The following TAOK2 variants were observed in gnomAD, a reference collection of about 807,000 sequenced individuals.
TAOK2 encodes the protein serine/threonine-protein kinase TAO2.
TAOK2 carries 42 observed loss-of-function variants against 122.5 expected under a neutral mutation model. The ratio of observed to expected loss-of-function variants is 0.34; its 90% confidence interval spans 0.27 to 0.44. TAOK2 has a LOEUF of 0.44. Among genes scored for constraint, TAOK2 ranks in the 20% least tolerant of loss-of-function variants. The pLI is 1.00. For synonymous variants in TAOK2, 704 were observed against 677.6 expected, an observed-to-expected ratio of 1.04 and a Z score of -0.61; for missense variants, 1,264 against 1,644.9, an observed-to-expected ratio of 0.77 and a Z score of 4.01.
At chr16:29,990,882 G>A (rs1412562288), downstream of TAOK2, 4 of 1,613,716 alleles carry the variant, frequency 2.5e-6, no homozygotes, top group South Asian at 4.4e-5. Context: ...GCAAGATCAA[G>A]ATCCGCACAG....
At position 29,986,180 on chromosome 16, in the gene TAOK2, C is replaced by T. The variant is rs2069784920; in HGVS notation, c.1993-85C>T. The T allele has an allele frequency of 2.0e-6, 3 of 1,494,088 alleles. No homozygotes were observed. Among genetic ancestry groups the T allele is most frequent in the South Asian group, 2.8e-5 (2 of 71,334 alleles). 92.6% of individuals were successfully genotyped at this position (1,494,088 alleles called of 1,614,324 possible). Reference sequence around the variant, plus strand: ...CTGGGCCCTGTGTTTCTTCCGCCATCCCCAGCTCCCTCTGCCAAGGAGCCC... The same window carrying T: ...CTGGGCCCTGTGTTTCTTCCGCCATTCCCAGCTCCCTCTGCCAAGGAGCCC... On this transcript the variant is annotated intron_variant, in intron 15 of 15. Transcript: ENST00000308893. This position sits in a 1 kb window ranked among gnomAD's most constrained non-coding sequence, Gnocchi z 4.2.
intron 1 of TAOK2, among the ~76,000 whole-genome samples, chr16:29,976,630 TTCTCCGG>T (rs1157487166): frequency 6.6e-6 from 1 of 152,168 alleles, no homozygotes; most frequent in Admixed American, 6.5e-5. Flanking sequence ...TGCAGGAACT[TTCTCCGG>T]GTGTTTGGTT....
At position 29,987,494 on chromosome 16, in the gene TAOK2, C is replaced by A. The variant is rs1360534560; in HGVS notation, c.3222C>A (p.Gly1074=). 2.5e-6 allele frequency: 4 copies of A among 1,595,160 alleles called. No individual in the cohort carries two copies. The African/African-American group carries it at 5.4e-5, about 21-fold the overall frequency. The change falls in exon 16 of 16, where the codon GGC becomes GGA. Residue 1074 remains glycine, a synonymous_variant. Coordinates refer to ENST00000308893, the MANE Select transcript of TAOK2 (RefSeq NM_016151.4). The part of the protein sequence containing the change: ...AAGGRWVRQQ[G]PRVRRGISRL... ...GGGGCAGATGGGTGCGGCAGCAGGG[C>A]CCCCGGGTGCGCCGGGGCATATCTC...
At chr16:29,991,451 G>C, downstream of TAOK2, 2 of 1,505,146 alleles carry the variant, frequency 1.3e-6, no homozygotes, top group Non-Finnish European at 1.8e-6. This position sits in a 1 kb window ranked among gnomAD's most constrained non-coding sequence, Gnocchi z 5.6. Context: ...GGGCAGCCTC[G>C]GGGGGCAGTG....
Position 29,986,170 on chromosome 16 carries a change from C to T in TAOK2, c.1993-95C>T, listed in dbSNP as rs992446877. ...TGACCAGGCCCTGGGCCCTGTGTTT[C>T]TTCCGCCATCCCCAGCTCCCTCTGC... On this transcript the variant is annotated intron_variant, in intron 15 of 15. Transcript: ENST00000308893. This position sits in a 1 kb window ranked among gnomAD's most constrained non-coding sequence, Gnocchi z 4.2. 1 of 1,489,118 alleles carries T rather than the reference C, an allele frequency of 6.7e-7. No homozygotes were observed. Among genetic ancestry groups the T allele is most frequent in the Non-Finnish European group, 9.0e-7 (1 of 1,116,672 alleles). 92.2% of individuals were successfully genotyped at this position (1,489,118 alleles called of 1,614,324 possible).
chr16:29,978,126 A>G lies in TAOK2; in HGVS notation c.170A>G (p.Lys57Arg). The change falls in exon 3 of 16, where the codon AAG (lysine) becomes AGG (arginine). Residue 57 changes from lysine (K) to arginine (R), a missense_variant. Around this residue, in one of 4 missense-constraint regions of TAOK2, gnomAD observed 254 missense variants for 503.8 expected, o/e 0.50. Coordinates refer to ENST00000308893, the MANE Select transcript of TAOK2 (RefSeq NM_016151.4). ...DVRNSEVVAI[K>R]KMSYSGKQSN... ...CGGAATAGTGAGGTGGTGGCCATCA[A>G]GAAGATGTCCTACAGTGGGAAGCAG... The G allele has an allele frequency of 6.2e-7, 1 of 1,614,148 alleles. No homozygotes were observed. Among genetic ancestry groups the G allele is most frequent in the Non-Finnish European group, 8.5e-7 (1 of 1,180,016 alleles).
At chr16:29,981,332 A>G (rs1049623870) in intron 8 of TAOK2, 8 of 562,466 alleles carry the variant, frequency 1.4e-5, no homozygotes, top group African/African-American at 9.4e-5. Context: ...TCTTCCCCAT[A>G]GCAATTATCA....
downstream of TAOK2, chr16:29,992,076 G>C (rs572407842): frequency 6.6e-6 from 1 of 151,984 alleles, no homozygotes; most frequent in African/African-American, 2.4e-5. Context: ...GTCCTGTGCC[G>C]TCTTGTCCTT....
At chr16:29,975,131 T>A (rs970706291) in intron 1 of TAOK2, among the ~76,000 whole-genome samples, 1 of 152,146 alleles carries the variant, frequency 6.6e-6, no homozygotes, top group Non-Finnish European at 1.5e-5. Context: ...TATGCGTGTG[T>A]GTGTGTGCTT....
chr16:29,976,385 A>G (rs2069455054), intron 1 of TAOK2, among the ~76,000 whole-genome samples: 1 of 152,196 alleles, frequency 6.6e-6, no homozygotes, highest in African/African-American at 2.4e-5. Context: ...CTGGAGAGTC[A>G]GGCTCCCTCC....
rs949105010 is a variant in TAOK2, at chr16:29,981,378, G to T, written c.656-283G>T. On this transcript the variant is annotated intron_variant, in intron 8 of 15. Transcript: ENST00000308893. Reference sequence around the variant, plus strand: ...TCCCTTTGGCACCTAAGAAATATTAGTTGGGGTGATAACTGAATGGCTGTC... The same window carrying T: ...TCCCTTTGGCACCTAAGAAATATTATTTGGGGTGATAACTGAATGGCTGTC... 2.0e-5 allele frequency: 12 copies of T among 591,208 alleles called. No homozygotes were observed. The Admixed American group carries it at 3.3e-4, about 16-fold the overall frequency. The allele number at this position is 591,208 out of a possible 1,614,324, so 36.6% of individuals were successfully genotyped here.
intron 10 of TAOK2, among the ~76,000 whole-genome samples, chr16:29,982,295 G>A (rs1175935458): frequency 1.3e-5 from 2 of 152,238 alleles, no homozygotes; most frequent in Admixed American, 6.5e-5. Context: ...ATTTCCCTTA[G>A]GTGTTTTTTG....
At chr16:29,976,473 T>C (rs1341005970) in intron 1 of TAOK2, among the ~76,000 whole-genome samples, 1 of 152,208 alleles carries the variant, frequency 6.6e-6, no homozygotes, top group Non-Finnish European at 1.5e-5. Flanking sequence ...ATAAATTACA[T>C]GCTAAAATTG....
chr16:29,976,172 G>T (rs2069447649), intron 1 of TAOK2, among the ~76,000 whole-genome samples: 3 of 152,218 alleles, frequency 2.0e-5, no homozygotes, highest in African/African-American at 7.2e-5. Context: ...TTGGTAAAGA[G>T]GTCAGGAAGA....
At position 29,977,782 on chromosome 16, in the gene TAOK2, G is replaced by A. The variant is rs1256997964; in HGVS notation, c.10G>A (p.Gly4Arg). ...GCCCCCAGGGGCCACCATGCCAGCT[G>A]GGGGCCGGGCCGGGAGCCTGAAGGA... MPAGGRAGSLKDPD... is the reference protein window; with the variant it reads MPARGRAGSLKDPD... The change falls in exon 2 of 16, where the codon GGG becomes AGG. Residue 4 changes from glycine (G) to arginine (R), a missense_variant. By Grantham distance (125) the Gly-to-Arg change is moderately radical. This residue lies in a region of TAOK2 where 254 missense variants were observed against 503.8 expected (regional missense o/e 0.50). Coordinates refer to ENST00000308893, the MANE Select transcript of TAOK2 (RefSeq NM_016151.4). The A allele has an allele frequency of 6.2e-7, 1 of 1,613,990 alleles. No individual in the cohort carries two copies. Among genetic ancestry groups the A allele is most frequent in the Admixed American group, 1.7e-5 (1 of 59,994 alleles).
downstream of TAOK2, chr16:29,990,710 G>T: frequency 6.8e-7 from 1 of 1,472,932 alleles, no homozygotes. Context: ...TTAGGGCCCA[G>T]GCCTACCTGG....
At position 29,974,264 on chromosome 16, in the gene TAOK2, C is replaced by G. The variant is rs2069385398; in HGVS notation, c.-420C>G. The G allele has an allele frequency of 6.6e-6, 1 of 152,640 alleles. No homozygotes were observed. The highest frequency in any genetic ancestry group is 2.1e-4 in the South Asian group (1 of 4,834). 9.5% of individuals were successfully genotyped at this position (152,640 alleles called of 1,614,324 possible). ...GACTCGGGTCCCAACCTCTCTAAACCTGGGTCTCTGTTTCATAGAATTTCA... is the reference window on the plus strand; with the variant it reads ...GACTCGGGTCCCAACCTCTCTAAACGTGGGTCTCTGTTTCATAGAATTTCA... On this transcript the variant is annotated 5_prime_UTR_variant, in exon 1 of 16. Transcript: ENST00000308893.
At chr16:29,974,808 C>T (rs1015114858) in intron 1 of TAOK2, among the ~76,000 whole-genome samples, 160 bp downstream of exon 1, 1 of 152,126 alleles carries the variant, frequency 6.6e-6, no homozygotes, top group African/African-American at 2.4e-5. Context: ...TGTTGCCACC[C>T]CCTTCCCCTT....
downstream of TAOK2, chr16:29,990,585 C>A: frequency 2.1e-6 from 1 of 469,466 alleles, no homozygotes; most frequent in South Asian, 4.8e-5. Context: ...CCGTGAACAC[C>A]TCGAGCACAT....
Sources: allele counts gnomAD v4.1 joint callset (sites outside exome capture counted in the v4.1 genomes callset), GRCh38; gene constraint gnomAD v4.1.1; regional missense constraint gnomAD v4.1.1; non-coding constraint Gnocchi (gnomAD v3.1); transcripts MANE v1.5; gene names NCBI Gene and HGNC (gene_info 2026-07-23, HGNC 2026-07-21).